Variants in MCTP2 observed in about 807,000 individuals in gnomAD.
The protein encoded by MCTP2 is multiple C2 and transmembrane domain containing 2, also known as multiple C2 and transmembrane domain-containing protein 2.
In MCTP2, 132 loss-of-function variants were observed where a neutral mutation model predicts 111.6. The ratio of observed to expected loss-of-function variants is 1.18; its 90% CI spans 1.03 to 1.37. The LOEUF (loss-of-function observed/expected upper bound fraction) is 1.37, where lower values mean the gene tolerates loss of function less well. Among genes scored for constraint, MCTP2 ranks in the 40% most tolerant of loss-of-function variants. The probability of loss-of-function intolerance (pLI) is 0.00; values close to 1 mark genes in which losing one functional copy is unlikely to be tolerated. For missense variants in MCTP2, 1,183 were observed against 1,067.9 expected (o/e 1.11, Z -1.50); for synonymous variants, 395 against 387.7 (o/e 1.02, Z -0.22).
At chr15:94,368,971 A>G (rs1006224345) in intron 11 of MCTP2, among the ~76,000 whole-genome samples, 14 of 152,238 alleles carry the variant, frequency 9.2e-5, no homozygotes, top group African/African-American at 3.4e-4. Flanking sequence ...TAGCCAGCAC[A>G]TTAGAGGGAA....
chr15:94,481,449 C>T lies in MCTP2; in HGVS notation c.*2415C>T, dbSNP rs1168334137. On this transcript the variant is annotated 3_prime_UTR_variant, in exon 23 of 23. Transcript: ENST00000357742. ...AGTAGGTCCAGTGTCAATGCATTAA[C>T]CACTTCTGTTCTGATTTCCACCACC... 1 of 152,244 alleles carries T rather than the reference C, an allele frequency of 6.6e-6. No homozygotes were observed. Among genetic ancestry groups the T allele is most frequent in the Non-Finnish European group, 1.5e-5 (1 of 68,068 alleles). The allele number at this position is 152,244 out of a possible 1,614,324, so 9.4% of individuals were successfully genotyped here.
At chr15:94,464,256 AT>A (rs376639122) in intron 20 of MCTP2, among the ~76,000 whole-genome samples, 9,621 of 43,598 alleles carry the variant, frequency 0.22, 1,084 homozygotes, top group Middle Eastern at 0.37. Context: ...ATATATATAT[AT>A]TATATATATA....
At chr15:94,437,685 G>C (rs1398108956) in intron 17 of MCTP2, among the ~76,000 whole-genome samples, 1 of 151,992 alleles carries the variant, frequency 6.6e-6, no homozygotes, top group Admixed American at 6.5e-5. Context: ...AGATCATTTT[G>C]AGCGTGTAAT....
intron 12 of MCTP2, among the ~76,000 whole-genome samples, chr15:94,378,452 A>G (rs58227460): frequency 0.012 from 1,787 of 152,110 alleles, 42 homozygotes; most frequent in African/African-American, 0.04. Flanking sequence ...GAGCCCAGGA[A>G]TTCAAAGTTA....
intron 14 of MCTP2, among the ~76,000 whole-genome samples, chr15:94,386,733 A>G (rs112844161): frequency 3.3e-5 from 5 of 152,194 alleles, no homozygotes; most frequent in East Asian, 3.9e-4. Context: ...TGGGGGACTC[A>G]AAGCAAAGAC....
chr15:94,429,761 T>C (rs1212929770), intron 17 of MCTP2, among the ~76,000 whole-genome samples: 9 of 152,164 alleles, frequency 5.9e-5, no homozygotes, highest in African/African-American at 2.2e-4. Context: ...AATTTACGTA[T>C]CTAACCATAA....
chr15:94,347,020 T>C (rs1487407975), intron 8 of MCTP2, among the ~76,000 whole-genome samples: 3 of 152,158 alleles, frequency 2.0e-5, no homozygotes, highest in South Asian at 4.1e-4. Flanking sequence ...AAATCCTAGA[T>C]AAATAAAGTT....
At chr15:94,451,429 G>C (rs959420330) in intron 19 of MCTP2, among the ~76,000 whole-genome samples, 1 of 152,120 alleles carries the variant, frequency 6.6e-6, no homozygotes, top group South Asian at 2.1e-4. Flanking sequence ...TTTCACATTT[G>C]TAACGAGAAG....
In MCTP2 at chr15:94,479,088, C is replaced by G; in HGVS notation, c.*54C>G. ...CCAATATTGTGTTTGGTTGAGTAGA[C>G]CAATGTTATGGCTGTTTCAGTGGTA... On this transcript the variant is annotated 3_prime_UTR_variant, in exon 23 of 23. Transcript: ENST00000357742. 1 of 1,547,412 alleles carries G rather than the reference C, an allele frequency of 6.5e-7. No individual in the cohort carries two copies. The highest frequency in any genetic ancestry group is 1.4e-5 in the African/African-American group (1 of 73,484).
At position 94,346,916 on chromosome 15, in the gene MCTP2, C is replaced by CT. The variant is rs1273590883; in HGVS notation, c.1005+1758dup. ...AACTGAGCTGTTTGTCTTTTTTTTG[C>CT]TTTTTTCCCATCATGGTAGTTTCTC... On this transcript the variant is annotated intron_variant, in intron 8 of 22. Transcript: ENST00000357742. 1.6e-4 allele frequency among the ~76,000 whole-genome samples: 24 copies of CT among 151,524 alleles called. 1 individual carries two copies. The South Asian group carries it at 4.4e-3, about 28-fold the overall frequency.
intron 19 of MCTP2, among the ~76,000 whole-genome samples, chr15:94,456,241 C>T (rs1340642071): frequency 6.6e-6 from 1 of 152,160 alleles, no homozygotes; most frequent in Non-Finnish European, 1.5e-5. Flanking sequence ...TATAAAGTAA[C>T]AGGACTCATG....
chr15:94,245,487 C>T (rs9796552), intron 1 of MCTP2, among the ~76,000 whole-genome samples: 1 of 136,578 alleles, frequency 7.3e-6, no homozygotes, highest in South Asian at 2.3e-4. Context: ...TATATACATA[C>T]ATGTATGTAT....
intron 20 of MCTP2, among the ~76,000 whole-genome samples, chr15:94,466,975 T>C (rs12902230): frequency 0.26 from 39,019 of 152,092 alleles, 5,646 homozygotes; most frequent in Middle Eastern, 0.38. Context: ...TAACTTTCTT[T>C]CCATATTTGT....
chr15:94,301,534 C>G lies in MCTP2; in HGVS notation c.465+2804C>G, dbSNP rs551878726. Among the ~76,000 whole-genome samples the G allele has an allele frequency of 7.2e-5, 11 of 152,336 alleles. No homozygotes were observed. The South Asian group carries it at 2.3e-3, about 32-fold the overall frequency. ...GAGGATTGGCATGGCTGGGGAGACA[C>G]CTTTGTCTTTGTTTTCTAAGCGTCT... is the stretch of plus-strand genomic sequence containing the variant. On this transcript the variant is annotated intron_variant, in intron 2 of 22. Transcript: ENST00000357742.
chr15:94,474,923 A>G (rs932721317), intron 21 of MCTP2, among the ~76,000 whole-genome samples: 2 of 151,760 alleles, frequency 1.3e-5, no homozygotes, highest in African/African-American at 4.8e-5. Flanking sequence ...TCATTGGTGC[A>G]TTTGAGCTAC....
In MCTP2 at chr15:94,479,041, C is replaced by G. The variant is rs2074597103; in HGVS notation, c.*7C>G. ...GAAGCGCAGCGCTCTCTAGGGCACA[C>G]ACCGACTTTGGACAGCAGCACCCAA... On this transcript the variant is annotated 3_prime_UTR_variant, in exon 23 of 23. Coordinates refer to ENST00000357742, the MANE Select transcript of MCTP2 (RefSeq NM_001385001.1). 3.7e-6 allele frequency: 6 copies of G among 1,613,914 alleles called. No homozygotes were observed. The highest frequency in any genetic ancestry group is 5.1e-6 in the Non-Finnish European group (6 of 1,179,878).
At chr15:94,313,031 C>T (rs1307563334) in intron 2 of MCTP2, among the ~76,000 whole-genome samples, 2 of 152,130 alleles carry the variant, frequency 1.3e-5, no homozygotes, top group East Asian at 3.9e-4. Flanking sequence ...CTCATGGTTT[C>T]CTAAGCATTG....
At chr15:94,269,154 C>T (rs911599586) in intron 1 of MCTP2, among the ~76,000 whole-genome samples, 1 of 152,120 alleles carries the variant, frequency 6.6e-6, no homozygotes, top group South Asian at 2.1e-4. Context: ...TGAAGTATCT[C>T]GTGTTGACAC....
At chr15:94,338,608 G>A (rs960446100) in intron 4 of MCTP2, among the ~76,000 whole-genome samples, 5 of 150,652 alleles carry the variant, frequency 3.3e-5, no homozygotes, top group South Asian at 2.1e-4. Context: ...TTCTTTTGGC[G>A]TCTGTTTCAA....
Sources: gnomAD v4.1 joint callset for allele counts (sites outside exome capture counted in the v4.1 genomes callset) on GRCh38, gnomAD v4.1.1 for gene constraint, MANE v1.5 for transcripts, NCBI Gene and HGNC (gene_info 2026-07-23, HGNC 2026-07-21) for gene names.